Variants in INSYN2A observed in about 807,000 individuals in gnomAD.
INSYN2A encodes family with sequence similarity 196 member A.
In INSYN2A, 17 loss-of-function variants were observed where a neutral mutation model predicts 39.4. The ratio of observed to expected loss-of-function variants is 0.43; its 90% CI spans 0.30 to 0.65. INSYN2A has a LOEUF of 0.65. Ranked by LOEUF, INSYN2A falls within the 30% of genes least tolerant of loss-of-function variation. The probability of loss-of-function intolerance (pLI) is 0.14; values close to 1 mark genes in which losing one functional copy is unlikely to be tolerated. For synonymous variants in INSYN2A, 255 were observed against 265.7 expected (o/e 0.96, Z 0.39); for missense variants, 595 against 631.2 (o/e 0.94, Z 0.61).
At chr10:127,184,389 C>T (rs1564881207) in intron 2 of INSYN2A, among the ~76,000 whole-genome samples, 1 of 146,372 alleles carries the variant, frequency 6.8e-6, no homozygotes, top group Non-Finnish European at 1.5e-5. Context: ...TGTTGCTTCT[C>T]CTACTGATTT....
intron 5 of INSYN2A, among the ~76,000 whole-genome samples, chr10:127,148,359 G>T (rs964870063): frequency 3.3e-5 from 5 of 152,230 alleles, no homozygotes; most frequent in Admixed American, 6.5e-5. Flanking sequence ...CACTTGACGA[G>T]AAGATTCTAA....
chr10:127,155,789 G>T (rs769707762), intron 4 of INSYN2A, among the ~76,000 whole-genome samples: 29 of 152,100 alleles, frequency 1.9e-4, no homozygotes, highest in South Asian at 4.1e-4. Flanking sequence ...TAATTCTACT[G>T]GAGCTCGGCT....
At chr10:127,168,844 T>C (rs2054310347) in intron 4 of INSYN2A, among the ~76,000 whole-genome samples, 1 of 152,172 alleles carries the variant, frequency 6.6e-6, no homozygotes, top group South Asian at 2.1e-4. Flanking sequence ...CAATTTTCCA[T>C]GTGGGTTCTT....
At chr10:127,159,469 C>T (rs551809143) in intron 4 of INSYN2A, among the ~76,000 whole-genome samples, 1 of 152,068 alleles carries the variant, frequency 6.6e-6, no homozygotes. Context: ...TACTTGTATA[C>T]TTACAAGTAT....
intron 2 of INSYN2A, among the ~76,000 whole-genome samples, chr10:127,179,239 T>C (rs1226948226): frequency 1.3e-5 from 2 of 152,218 alleles, no homozygotes; most frequent in Non-Finnish European, 2.9e-5. Flanking sequence ...TTCTAGGTCT[T>C]GGACGCAACC....
intron 5 of INSYN2A, among the ~76,000 whole-genome samples, chr10:127,143,020 C>T (rs895823200): frequency 3.3e-5 from 5 of 152,190 alleles, no homozygotes; most frequent in Non-Finnish European, 5.9e-5. Flanking sequence ...AGTAACACTT[C>T]TCCCCGCTGC....
intron 4 of INSYN2A, among the ~76,000 whole-genome samples, chr10:127,173,784 G>A (rs1361946771): frequency 6.6e-6 from 1 of 152,188 alleles, no homozygotes; most frequent in Non-Finnish European, 1.5e-5. Flanking sequence ...CTGTACTGAT[G>A]GAAATGGGAT....
chr10:127,163,963 C>T (rs1307158888), intron 4 of INSYN2A, among the ~76,000 whole-genome samples: 1 of 151,816 alleles, frequency 6.6e-6, no homozygotes, highest in African/African-American at 2.4e-5. Flanking sequence ...TGGGGAGGCT[C>T]TGGCTGTTAG....
Position 127,136,908 on chromosome 10 carries a change from G to T in INSYN2A, c.*929C>A, listed in dbSNP as rs1352272402. On this transcript the variant is annotated 3_prime_UTR_variant, in exon 6 of 6. Coordinates refer to ENST00000522781, the MANE Select transcript of INSYN2A (RefSeq NM_001039762.3). ...TACCATGGCTAACAGTGTCTCGGAG[G>T]ATCGATCCACAAAAACACTGTCTGC... 1 of 152,586 alleles carries T rather than the reference G, an allele frequency of 6.6e-6. No individual in the cohort carries two copies. Among genetic ancestry groups the T allele is most frequent in the East Asian group, 1.9e-4 (1 of 5,186 alleles). 9.5% of individuals were successfully genotyped at this position (152,586 alleles called of 1,614,324 possible).
At chr10:127,138,560 A>G (rs1564832335) in intron 5 of INSYN2A, among the ~76,000 whole-genome samples, 1 of 152,154 alleles carries the variant, frequency 6.6e-6, no homozygotes. Flanking sequence ...AAAATCTGAT[A>G]AGGGCCATAG....
In INSYN2A at chr10:127,156,869, G is replaced by A. The variant is rs528784887; in HGVS notation, c.1185-2946C>T. On this transcript the variant is annotated intron_variant, in intron 4 of 5. Transcript: ENST00000522781. ...AGGCGTGTGCCACCATGCCTGGCCC[G>A]AGATATTGCTCTTCTAAAGCCCTTC... Among the ~76,000 whole-genome samples, 34 of 152,236 alleles carry A rather than the reference G, an allele frequency of 2.2e-4. No homozygotes were observed. The South Asian group carries it at 3.9e-3, about 18-fold the overall frequency.
chr10:127,181,115 T>G (rs553325390), intron 2 of INSYN2A, among the ~76,000 whole-genome samples: 2 of 152,320 alleles, frequency 1.3e-5, no homozygotes, highest in South Asian at 2.1e-4. Flanking sequence ...GGTCATCTTT[T>G]ATTGTTTTGA....
At chr10:127,182,222 T>G (rs1564879254) in intron 2 of INSYN2A, among the ~76,000 whole-genome samples, 1 of 152,184 alleles carries the variant, frequency 6.6e-6, no homozygotes, top group Non-Finnish European at 1.5e-5. Flanking sequence ...AGAGGTTAAA[T>G]GTAGGCATCG....
At chr10:127,184,374 C>G (rs1034355595) in intron 2 of INSYN2A, among the ~76,000 whole-genome samples, 1 of 141,794 alleles carries the variant, frequency 7.1e-6, no homozygotes. Context: ...TTTGTTTTTC[C>G]TTCCTGTTGC....
At chr10:127,145,157 G>C (rs2051682701) in intron 5 of INSYN2A, among the ~76,000 whole-genome samples, 1 of 152,094 alleles carries the variant, frequency 6.6e-6, no homozygotes, top group Non-Finnish European at 1.5e-5. Flanking sequence ...TCTGGGTCCT[G>C]AGCCTCATCT....
chr10:127,151,174 A>T (rs1015805506), intron 5 of INSYN2A, among the ~76,000 whole-genome samples: 2 of 152,130 alleles, frequency 1.3e-5, no homozygotes, highest in African/African-American at 4.8e-5. Flanking sequence ...TTAAACTTTA[A>T]TTATTTCCAT....
chr10:127,194,788 G>A lies in INSYN2A; in HGVS notation c.-395+1209C>T, dbSNP rs558665859. Among the ~76,000 whole-genome samples, 16 of 152,274 alleles carry A rather than the reference G, an allele frequency of 1.1e-4. No individual in the cohort carries two copies. In the South Asian group the frequency reaches 2.5e-3, roughly 24 times the overall value. ...TGAGCTGTAGTCTTCTGAAATGATC[G>A]TTTGGCTTCCCAGCCAAGGCAGGGC... On this transcript the variant is annotated intron_variant, in intron 1 of 5. Coordinates refer to ENST00000522781, the MANE Select transcript of INSYN2A (RefSeq NM_001039762.3).
In INSYN2A at chr10:127,196,252, C is replaced by G. The variant is rs1189742360; in HGVS notation, c.-650G>C. The G allele has an allele frequency of 6.7e-6, 1 of 148,698 alleles. No individual in the cohort carries two copies. Among genetic ancestry groups the G allele is most frequent in the Non-Finnish European group, 1.5e-5 (1 of 66,958 alleles). The allele number at this position is 148,698 out of a possible 1,614,324, so 9.2% of individuals were successfully genotyped here. A position where few individuals can be genotyped will look rare whatever the true frequency, so the allele number is the denominator to read the frequency against. ...CCCGCGCCGCAGCTCGCGTCGCTCGCGTCCCTCCGGCCCCGCTTAGCGACG... is the reference window on the plus strand; with the variant it reads ...CCCGCGCCGCAGCTCGCGTCGCTCGGGTCCCTCCGGCCCCGCTTAGCGACG... On this transcript the variant is annotated 5_prime_UTR_variant, in exon 1 of 6. Coordinates refer to ENST00000522781, the MANE Select transcript of INSYN2A (RefSeq NM_001039762.3).
At chr10:127,160,657 G>T (rs550311442) in intron 4 of INSYN2A, among the ~76,000 whole-genome samples, 3 of 152,230 alleles carry the variant, frequency 2.0e-5, no homozygotes, top group Non-Finnish European at 2.9e-5. Context: ...TATGGCAATT[G>T]TCACACTGAA....
Sources: gnomAD v4.1 joint callset for allele counts (sites outside exome capture counted in the v4.1 genomes callset) on GRCh38, gnomAD v4.1.1 for gene constraint, MANE v1.5 for transcripts, NCBI Gene and HGNC (gene_info 2026-07-23, HGNC 2026-07-21) for gene names.